The following IDO2 variants were observed in gnomAD, a reference collection of about 807,000 sequenced individuals.
IDO2 encodes indoleamine 2,3-dioxygenase 2.
IDO2 carries 46 observed loss-of-function variants against 45.1 expected under a neutral mutation model. That is an observed-to-expected ratio of 1.02 (90% CI 0.80 to 1.30). The LOEUF (loss-of-function observed/expected upper bound fraction) is 1.30, where lower values mean the gene tolerates loss of function less well. Ranked by LOEUF, IDO2 falls within the 50% of genes most tolerant of loss-of-function variation. The pLI is 0.00. For missense variants in IDO2, 544 were observed against 491.8 expected, an observed-to-expected ratio of 1.11 and a Z score of -1.00; for synonymous variants, 218 against 184.9, an observed-to-expected ratio of 1.18 and a Z score of -1.45.
chr8:40,011,036 G>A lies in IDO2; in HGVS notation c.720-2529G>A, dbSNP rs144947374. On this transcript the variant is annotated intron_variant, in intron 9 of 10. Coordinates refer to ENST00000502986, the Ensembl canonical transcript of IDO2. Reference sequence around the variant, plus strand: ...AGCGATACTCCTGCCTCAGCCTCCCGAGTAGCTGGGACTACAGGTGTGCAC... The same window carrying A: ...AGCGATACTCCTGCCTCAGCCTCCCAAGTAGCTGGGACTACAGGTGTGCAC... Among the ~76,000 whole-genome samples the A allele has an allele frequency of 3.5e-3, 529 of 152,126 alleles. 3 individuals are homozygous for A. The highest frequency in any genetic ancestry group is 5.3e-3 in the Non-Finnish European group (363 of 67,994).
intron 8 of IDO2, among the ~76,000 whole-genome samples, chr8:40,001,315 T>C (rs956672653): frequency 6.8e-6 from 1 of 146,168 alleles, no homozygotes; most frequent in Non-Finnish European, 1.5e-5. Flanking sequence ...AGTGGTGCGA[T>C]CTTGGCTCAC....
Position 39,963,185 on chromosome 8 carries a change from C to A in IDO2, c.100-423C>A, listed in dbSNP as rs183314766. On this transcript the variant is annotated intron_variant, in intron 2 of 10. Coordinates refer to ENST00000502986, the Ensembl canonical transcript of IDO2. ...TCTGTTTATCTGCTGTCCCCTCTAC[C>A]TTTACTACCTTCCCTTCTTCACATT... is the stretch of plus-strand genomic sequence containing the variant. 3.9e-5 allele frequency among the ~76,000 whole-genome samples: 6 copies of A among 152,358 alleles called. No homozygotes were observed. The East Asian group carries it at 7.7e-4, about 20-fold the overall frequency.
chr8:40,006,172 A>T (rs13276334), intron 9 of IDO2, among the ~76,000 whole-genome samples: 1 of 152,026 alleles, frequency 6.6e-6, no homozygotes, highest in East Asian at 1.9e-4. Flanking sequence ...TTGACTTACC[A>T]TTTTTTGACT....
intron 3 of IDO2, among the ~76,000 whole-genome samples, chr8:39,976,394 A>G (rs1808260035): frequency 6.6e-6 from 1 of 152,218 alleles, no homozygotes; most frequent in South Asian, 2.1e-4. Flanking sequence ...GCAGGATATT[A>G]CAATCAATGA....
At chr8:39,992,482 T>C (rs1158218879) in intron 8 of IDO2, among the ~76,000 whole-genome samples, 1 of 152,182 alleles carries the variant, frequency 6.6e-6, no homozygotes, top group Non-Finnish European at 1.5e-5. Context: ...GTCAAGCCAT[T>C]GCCATCTTGT....
intron 8 of IDO2, among the ~76,000 whole-genome samples, chr8:39,995,542 A>C (rs1029778478): frequency 8.6e-5 from 13 of 152,006 alleles, no homozygotes; most frequent in Non-Finnish European, 1.0e-4. Flanking sequence ...TCGGCCTCCC[A>C]AAGTGCTGGG....
intron 8 of IDO2, among the ~76,000 whole-genome samples, chr8:40,003,693 C>T (rs1272764903): frequency 6.6e-6 from 1 of 151,966 alleles, no homozygotes; most frequent in East Asian, 1.9e-4. Flanking sequence ...TGCTTTGCTT[C>T]TTCATTTATA....
intron 1 of IDO2, among the ~76,000 whole-genome samples, chr8:39,947,713 G>A (rs1807759434): frequency 6.6e-6 from 1 of 151,914 alleles, no homozygotes; most frequent in Non-Finnish European, 1.5e-5. Context: ...CAAAACTGCT[G>A]GCAAGTGTAC....
intron 3 of IDO2, among the ~76,000 whole-genome samples, chr8:39,964,479 C>T (rs1405018004): frequency 6.6e-6 from 1 of 152,190 alleles, no homozygotes; most frequent in Non-Finnish European, 1.5e-5. Flanking sequence ...TCCATCTGTC[C>T]TAATCTATCA....
chr8:39,974,846 G>C (rs971176655), intron 3 of IDO2, among the ~76,000 whole-genome samples: 1 of 151,704 alleles, frequency 6.6e-6, no homozygotes, highest in Non-Finnish European at 1.5e-5. Context: ...GCTTGAACCC[G>C]GGAGGCAGAG....
intron 3 of IDO2, among the ~76,000 whole-genome samples, chr8:39,964,465 C>G (rs914062275): frequency 2.0e-5 from 3 of 152,334 alleles, no homozygotes; most frequent in Non-Finnish European, 4.4e-5. Flanking sequence ...TCTGTAGTCT[C>G]TTCTCCATCT....
At chr8:39,991,725 C>T (rs192918326) in intron 8 of IDO2, among the ~76,000 whole-genome samples, 1 of 152,116 alleles carries the variant, frequency 6.6e-6, no homozygotes, top group African/African-American at 2.4e-5. Context: ...CATGCACCAC[C>T]ATGCCCAGCT....
chr8:39,955,163 A>G (rs997502553), intron 2 of IDO2, among the ~76,000 whole-genome samples: 1 of 150,136 alleles, frequency 6.7e-6, no homozygotes, highest in African/African-American at 2.5e-5. Flanking sequence ...ATATAAGGCC[A>G]GGAAAAAATA....
intron 1 of IDO2, among the ~76,000 whole-genome samples, chr8:39,938,102 T>C (rs78078821): frequency 0.025 from 3,756 of 152,322 alleles, 152 homozygotes; most frequent in African/African-American, 0.084. Flanking sequence ...ATATTTATAT[T>C]ACAAGAAACA....
chr8:39,996,546 T>C (rs1327327884), intron 8 of IDO2, among the ~76,000 whole-genome samples: 2 of 152,128 alleles, frequency 1.3e-5, no homozygotes, highest in African/African-American at 4.8e-5. Context: ...GGTCTCCGCA[T>C]CTTGGTGGTA....
chr8:39,971,169 T>C (rs1353463813), intron 3 of IDO2, among the ~76,000 whole-genome samples: 1 of 152,184 alleles, frequency 6.6e-6, no homozygotes, highest in Non-Finnish European at 1.5e-5. Context: ...AAGCCAGTGC[T>C]CATTTACCAT....
exon 7 of IDO2, chr8:39,987,884 A>C (rs200097695): frequency 1.9e-6 from 3 of 1,607,430 alleles, no homozygotes; most frequent in Non-Finnish European, 2.6e-6. Flanking sequence ...CCTGGAGACC[A>C]TCATCTCATT....
chr8:40,008,228 T>G (rs960722062), intron 9 of IDO2, among the ~76,000 whole-genome samples: 1 of 152,080 alleles, frequency 6.6e-6, no homozygotes, highest in Non-Finnish European at 1.5e-5. Context: ...GTATTTTTCA[T>G]AGAGATGTGG....
chr8:39,978,186 G>A (rs1204005231), intron 3 of IDO2, among the ~76,000 whole-genome samples: 1 of 152,202 alleles, frequency 6.6e-6, no homozygotes, highest in Non-Finnish European at 1.5e-5. Context: ...TGCGCTGGAG[G>A]AGCCCCAGCT....
Sources: allele counts gnomAD v4.1 joint callset (sites outside exome capture counted in the v4.1 genomes callset), GRCh38; gene constraint gnomAD v4.1.1; transcripts MANE v1.5; gene names NCBI Gene and HGNC (gene_info 2026-07-23, HGNC 2026-07-21).